Variants in SYCP1 observed in about 807,000 individuals in gnomAD.
SYCP1 encodes the protein cancer/testis antigen 8.
Under a neutral mutation model 153.1 loss-of-function variants are expected in SYCP1, and 64 were observed. That is an observed-to-expected ratio of 0.42 (90% CI 0.34 to 0.51). SYCP1 has a LOEUF of 0.51. Ranked by LOEUF, SYCP1 falls within the 20% of genes least tolerant of loss-of-function variation. SYCP1 has a pLI of 0.06. For synonymous variants in SYCP1, 384 were observed against 341.8 expected, an observed-to-expected ratio of 1.12 and a Z score of -1.36; for missense variants, 997 against 1,049.0, an observed-to-expected ratio of 0.95 and a Z score of 0.68.
At chr1:114,974,398 C>G (rs1307432793) in intron 27 of SYCP1, among the ~76,000 whole-genome samples, 2 of 151,836 alleles carry the variant, frequency 1.3e-5, no homozygotes, top group African/African-American at 2.4e-5. Flanking sequence ...TTTAAATGTA[C>G]AGTTCAGCAG....
At chr1:114,904,412 C>G (rs189182125) in intron 16 of SYCP1, among the ~76,000 whole-genome samples, 10 of 151,950 alleles carry the variant, frequency 6.6e-5, no homozygotes, top group African/African-American at 2.4e-4. Flanking sequence ...CACCTCGCCC[C>G]GCCTAGAATT....
At chr1:114,949,889 A>G (rs1159627044) in intron 27 of SYCP1, among the ~76,000 whole-genome samples, 1 of 152,144 alleles carries the variant, frequency 6.6e-6, no homozygotes, top group African/African-American at 2.4e-5. Context: ...TAGGACCTCC[A>G]TTTACATCGT....
chr1:114,990,495 G>T (rs1471356791), intron 30 of SYCP1, among the ~76,000 whole-genome samples: 3 of 151,786 alleles, frequency 2.0e-5, no homozygotes, highest in Non-Finnish European at 4.4e-5. Context: ...GATTAGAACA[G>T]AGCTAAGTTA....
chr1:114,947,102 T>G, intron 26 of SYCP1, 144 bp from the exon 27 acceptor site: 1 of 681,436 alleles, frequency 1.5e-6, no homozygotes, highest in South Asian at 1.8e-5. Context: ...AGCCTTTATA[T>G]CAGTTGACTT....
At chr1:114,952,322 A>G (rs1375237128) in intron 27 of SYCP1, among the ~76,000 whole-genome samples, 1 of 152,186 alleles carries the variant, frequency 6.6e-6, no homozygotes, top group African/African-American at 2.4e-5. Flanking sequence ...ACCAGCAGCA[A>G]CTTGCTATTT....
chr1:114,958,724 T>A, intron 27 of SYCP1, among the ~76,000 whole-genome samples: 1 of 139,252 alleles, frequency 7.2e-6, no homozygotes, highest in African/African-American at 2.7e-5. Context: ...ATTGAGTCCA[T>A]CCTGGCTAAC....
chr1:114,876,816 T>A lies in SYCP1; in HGVS notation c.801+6T>A. ...TAAATGACAAGGAAAAGCAGGTTTT[T>A]TAAAAAACCAACTCTTTGTATTCTT... On this transcript the variant is annotated splice_donor_region_variant and intron_variant, in intron 11 of 31. Transcript: ENST00000369522. 1 of 1,383,422 alleles carries A rather than the reference T, an allele frequency of 7.2e-7. No homozygotes were observed. The allele number at this position is 1,383,422 out of a possible 1,614,324, so 85.7% of individuals were successfully genotyped here.
At position 114,933,708 on chromosome 1, in the gene SYCP1, A is replaced by G. The variant is rs1027991569; in HGVS notation, c.1926+7145A>G. On this transcript the variant is annotated intron_variant, in intron 23 of 31. Transcript: ENST00000369522. The stretch of plus-strand genomic sequence containing the variant: ...AATAAACAGCATAGAGAAGACCTTA[A>G]ATGACCGGATGGAGCTGAAAACCAT... Among the ~76,000 whole-genome samples the G allele has an allele frequency of 1.5e-4, 23 of 152,214 alleles. 1 individual carries two copies. Among genetic ancestry groups the G allele is most frequent in the Non-Finnish European group, 2.8e-4 (19 of 68,032 alleles).
intron 8 of SYCP1, among the ~76,000 whole-genome samples, chr1:114,861,799 C>CTTTT (rs1334859101): frequency 2.3e-5 from 3 of 129,906 alleles, no homozygotes; most frequent in Admixed American, 1.6e-4. Flanking sequence ...TTTTTTTATT[C>CTTTT]TTTTTTTTTT....
chr1:114,977,662 C>T, intron 28 of SYCP1, 46 bp downstream of exon 28: 1 of 1,177,014 alleles, frequency 8.5e-7, no homozygotes, highest in Non-Finnish European at 1.2e-6. Context: ...AATTCATTTT[C>T]TAACTTCTAC....
At chr1:114,886,068 CT>C in intron 13 of SYCP1, 56 bp from the exon 14 acceptor site, 1 of 1,228,634 alleles carries the variant, frequency 8.1e-7, no homozygotes, top group Non-Finnish European at 1.1e-6. Flanking sequence ...ATAAGTTCAG[CT>C]TTTTTGGTTA....
chr1:114,908,346 A>G (rs1398676757), intron 16 of SYCP1, among the ~76,000 whole-genome samples: 1 of 152,134 alleles, frequency 6.6e-6, no homozygotes, highest in Admixed American at 6.5e-5. Flanking sequence ...ATGTAAGTGA[A>G]GTTGAATTAT....
intron 26 of SYCP1, 138 bp downstream of exon 26, chr1:114,946,519 C>A (rs1670719336): frequency 1.4e-5 from 6 of 436,498 alleles, no homozygotes; most frequent in Non-Finnish European, 1.7e-5. Flanking sequence ...TCTTATAGAT[C>A]TTCTAGTTAC....
chr1:114,890,262 A>G (rs1666609574), intron 15 of SYCP1, among the ~76,000 whole-genome samples: 1 of 151,884 alleles, frequency 6.6e-6, no homozygotes, highest in Non-Finnish European at 1.5e-5. Context: ...GGTGAGCAAA[A>G]TTTCCTTTAG....
intron 20 of SYCP1, among the ~76,000 whole-genome samples, chr1:114,918,997 T>C (rs2101706891): frequency 6.6e-6 from 1 of 152,172 alleles, no homozygotes; most frequent in Non-Finnish European, 1.5e-5. Flanking sequence ...TGCCCTTTAT[T>C]TCTTCCTTTT....
At chr1:114,893,248 G>A (rs918632001) in intron 15 of SYCP1, among the ~76,000 whole-genome samples, 8 of 151,758 alleles carry the variant, frequency 5.3e-5, no homozygotes, top group Non-Finnish European at 1.2e-4. Flanking sequence ...GAATTGGGAG[G>A]TATCTCTATC....
chr1:114,872,277 GTATT>G (rs1476197008), intron 8 of SYCP1, among the ~76,000 whole-genome samples: 1 of 152,110 alleles, frequency 6.6e-6, no homozygotes, highest in Non-Finnish European at 1.5e-5. Flanking sequence ...GTCAAAGAAA[GTATT>G]TATTTCTTCA....
At chr1:114,914,104 A>T in intron 20 of SYCP1, 59 bp downstream of exon 20, 1 of 1,319,232 alleles carries the variant, frequency 7.6e-7, no homozygotes, top group South Asian at 1.5e-5. Flanking sequence ...TTTCTTTTCT[A>T]TTAACTTGTT....
chr1:114,895,343 T>C (rs971224403), intron 15 of SYCP1, 105 bp from the exon 16 acceptor site: 8 of 570,986 alleles, frequency 1.4e-5, no homozygotes, highest in African/African-American at 1.3e-4. Context: ...TGCATTTGTC[T>C]CTCCTGATTT....
Sources: allele counts gnomAD v4.1 joint callset (sites outside exome capture counted in the v4.1 genomes callset), GRCh38; gene constraint gnomAD v4.1.1; transcripts MANE v1.5; gene names NCBI Gene and HGNC (gene_info 2026-07-23, HGNC 2026-07-21).